KIF26B: variants seen among roughly 807,000 people sequenced by gnomAD.
KIF26B encodes kinesin-like protein KIF26B.
In KIF26B, 63 loss-of-function variants were observed where a neutral mutation model predicts 151.2. That is an observed-to-expected ratio of 0.42 (90% CI 0.34 to 0.51). The LOEUF is 0.51. Among genes scored for constraint, KIF26B ranks in the 20% least tolerant of loss-of-function variants. The pLI, the probability that KIF26B is intolerant of heterozygous loss-of-function variation, is 0.07. For synonymous variants in KIF26B, 1,357 were observed against 1,262.1 expected (o/e 1.08, Z -1.59); for missense variants, 2,813 against 2,913.6 (o/e 0.97, Z 0.79).
Position 245,611,834 on chromosome 1 carries a change from G to A in KIF26B, c.1956G>A (p.Lys652=). The part of the protein sequence containing the change: ...QSELRAPTAE[K]AAFFLDAAIA... ...AGCTGCGGGCCCCCACCGCAGAGAAGGCTGCCTTTTTCCTGGATGCCGCCA... is the reference window on the plus strand; with the variant it reads ...AGCTGCGGGCCCCCACCGCAGAGAAAGCTGCCTTTTTCCTGGATGCCGCCA... Residue 652 remains lysine (K), a synonymous_variant, in exon 9 of 15, where the codon AAG becomes AAA. Coordinates refer to ENST00000407071, the MANE Select transcript of KIF26B (RefSeq NM_018012.4). The A allele has an allele frequency of 6.2e-7, 1 of 1,613,902 alleles. No individual in the cohort carries two copies. Among genetic ancestry groups the A allele is most frequent in the Non-Finnish European group, 8.5e-7 (1 of 1,179,896 alleles).
intron 5 of KIF26B, among the ~76,000 whole-genome samples, chr1:245,553,166 A>G (rs1020481005): frequency 1.3e-5 from 2 of 152,180 alleles, no homozygotes. Flanking sequence ...CCCTGTGGGA[A>G]GCTTCCACCA....
chr1:245,436,029 T>C (rs898172375), intron 4 of KIF26B, among the ~76,000 whole-genome samples: 2 of 151,634 alleles, frequency 1.3e-5, no homozygotes, highest in East Asian at 3.9e-4. Flanking sequence ...ATACAAAAAT[T>C]AGCCAGGCGT....
At chr1:245,566,104 C>T (rs963061990) in intron 5 of KIF26B, among the ~76,000 whole-genome samples, 1 of 152,240 alleles carries the variant, frequency 6.6e-6, no homozygotes, top group African/African-American at 2.4e-5. Flanking sequence ...CAGTCACCTC[C>T]CAGCAGGCCC....
chr1:245,311,488 A>C (rs2102982510), intron 2 of KIF26B, among the ~76,000 whole-genome samples: 1 of 152,168 alleles, frequency 6.6e-6, no homozygotes, highest in Non-Finnish European at 1.5e-5. Flanking sequence ...CTGTAGTCCT[A>C]GCTACTTGGG....
rs927737746 is a variant in KIF26B, at chr1:245,173,888, G to A, written c.465+17205G>A. Among the ~76,000 whole-genome samples, 8 of 152,288 alleles carry A rather than the reference G, an allele frequency of 5.3e-5. No individual in the cohort carries two copies. The East Asian group carries it at 1.2e-3, about 22-fold the overall frequency. On this transcript the variant is annotated intron_variant, in intron 2 of 14. Coordinates refer to ENST00000407071, the MANE Select transcript of KIF26B (RefSeq NM_018012.4). ...GACGTGTGACACGGGCCAGACCCAC[G>A]CTGCTCTGTTCTGCAGGACTCAGTG...
At chr1:245,693,960 A>G (rs2147963946) in intron 12 of KIF26B, among the ~76,000 whole-genome samples, 1 of 152,308 alleles carries the variant, frequency 6.6e-6, no homozygotes, top group East Asian at 1.9e-4. Flanking sequence ...CAGTTGGGGG[A>G]AAAGGAGGAG....
chr1:245,363,537 A>G (rs10158475), intron 2 of KIF26B, among the ~76,000 whole-genome samples: 7,876 of 152,026 alleles, frequency 0.052, 513 homozygotes, highest in East Asian at 0.25. Context: ...CCCTCCCTTA[A>G]AGCAGTATCT....
intron 4 of KIF26B, among the ~76,000 whole-genome samples, chr1:245,474,075 C>T (rs1313760238): frequency 6.7e-6 from 1 of 149,508 alleles, no homozygotes; most frequent in East Asian, 1.9e-4. Flanking sequence ...TTATTGTAAA[C>T]TGTAGTCACC....
In KIF26B at chr1:245,492,819, C is replaced by T. The variant is rs112062221; in HGVS notation, c.1167-47948C>T. Among the ~76,000 whole-genome samples the T allele has an allele frequency of 7.5e-3, 1,148 of 152,194 alleles. 15 individuals are homozygous for T. Among genetic ancestry groups the T allele is most frequent in the Middle Eastern group, 0.037 (11 of 294 alleles). On this transcript the variant is annotated intron_variant, in intron 4 of 14. Coordinates refer to ENST00000407071, the MANE Select transcript of KIF26B (RefSeq NM_018012.4). ...TTTTGGAGATGGAGTCTTGCTCTGTCGCCCAGGCTGGAGTGCAGTGGCGTG... is the reference window on the plus strand; with the variant it reads ...TTTTGGAGATGGAGTCTTGCTCTGTTGCCCAGGCTGGAGTGCAGTGGCGTG...
intron 10 of KIF26B, among the ~76,000 whole-genome samples, chr1:245,671,740 A>G (rs1412378255): frequency 6.6e-6 from 1 of 152,214 alleles, no homozygotes; most frequent in Non-Finnish European, 1.5e-5. Context: ...TCTGAATGAC[A>G]AGGATTAGTA....
intron 12 of KIF26B, among the ~76,000 whole-genome samples, chr1:245,690,682 G>A (rs2044612333): frequency 6.6e-6 from 1 of 151,746 alleles, no homozygotes; most frequent in Non-Finnish European, 1.5e-5. Context: ...GGGATGTTAG[G>A]CTCTAAGCAT....
Position 245,353,096 on chromosome 1 carries a change from A to G in KIF26B, c.466-13738A>G, listed in dbSNP as rs116272998. ...CTGTATCTTACAGGATCTGTTAAAG[A>G]TAGTCAGAAGGCTGTCTTTTAAAAT... is the stretch of plus-strand genomic sequence containing the variant. On this transcript the variant is annotated intron_variant, in intron 2 of 14. Coordinates refer to ENST00000407071, the MANE Select transcript of KIF26B (RefSeq NM_018012.4). Among the ~76,000 whole-genome samples the G allele has an allele frequency of 8.1e-3, 1,240 of 152,340 alleles. 27 individuals are homozygous for G. The highest frequency in any genetic ancestry group is 0.029 in the African/African-American group (1,189 of 41,576).
intron 4 of KIF26B, among the ~76,000 whole-genome samples, chr1:245,455,604 C>T (rs1284327867): frequency 6.6e-6 from 1 of 152,188 alleles, no homozygotes. Context: ...GTGACGATGC[C>T]AAGAGAAATA....
intron 4 of KIF26B, among the ~76,000 whole-genome samples, chr1:245,452,448 GTT>G (rs1181198569): frequency 6.6e-6 from 1 of 151,954 alleles, no homozygotes; most frequent in Non-Finnish European, 1.5e-5. Flanking sequence ...GTTCTTTTGG[GTT>G]TATAACTATG....
At chr1:245,265,043 C>CA (rs1016671768) in intron 2 of KIF26B, among the ~76,000 whole-genome samples, 19 of 148,436 alleles carry the variant, frequency 1.3e-4, no homozygotes, top group East Asian at 9.8e-4. Context: ...ACTAAAAATA[C>CA]AAAAAAAAAT....
intron 6 of KIF26B, among the ~76,000 whole-genome samples, chr1:245,607,065 T>TAAA (rs2043463031): frequency 5.0e-5 from 2 of 40,002 alleles, no homozygotes; most frequent in Non-Finnish European, 8.0e-5. Flanking sequence ...AAACTCCGTC[T>TAAA]CAAAAAAAAA....
chr1:245,622,443 G>A (rs1460175714), intron 9 of KIF26B, among the ~76,000 whole-genome samples: 1 of 152,194 alleles, frequency 6.6e-6, no homozygotes. Context: ...TCATCCTACA[G>A]CATGAGCAGT....
chr1:245,635,620 C>G (rs2043826551), intron 9 of KIF26B, among the ~76,000 whole-genome samples: 1 of 148,906 alleles, frequency 6.7e-6, no homozygotes, highest in African/African-American at 2.5e-5. Context: ...TCGTTGATTT[C>G]TGCTATTTTT....
chr1:245,569,603 T>C (rs2043044649), intron 5 of KIF26B, among the ~76,000 whole-genome samples: 2 of 151,714 alleles, frequency 1.3e-5, no homozygotes, highest in African/African-American at 4.8e-5. Context: ...CGAGACTCCA[T>C]CTCAAAGAAA....
Sources: gnomAD v4.1 joint callset for allele counts (sites outside exome capture counted in the v4.1 genomes callset) on GRCh38, gnomAD v4.1.1 for gene constraint, MANE v1.5 for transcripts, NCBI Gene and HGNC (gene_info 2026-07-23, HGNC 2026-07-21) for gene names.